CCDC171: variants seen among roughly 807,000 people sequenced by gnomAD.
The protein encoded by CCDC171 is coiled-coil domain containing 171.
Under a neutral mutation model 168.2 loss-of-function variants are expected in CCDC171, and 177 were observed. That is an observed-to-expected ratio of 1.05 (90% CI 0.93 to 1.19). The LOEUF (loss-of-function observed/expected upper bound fraction) is 1.19. Among genes scored for constraint, CCDC171 ranks in the 50% most tolerant of loss-of-function variants. CCDC171 has a pLI of 0.00. For synonymous variants in CCDC171, 687 were observed against 540.8 expected (o/e 1.27, Z -3.75); for missense variants, 1,991 against 1,539.0 (o/e 1.29, Z -4.91).
chr9:15,849,886 G>T (rs533980350), intron 23 of CCDC171, among the ~76,000 whole-genome samples: 17 of 151,376 alleles, frequency 1.1e-4, no homozygotes, highest in African/African-American at 3.6e-4. Context: ...AAAACAATGG[G>T]CCCCTGTATT....
intron 25 of CCDC171, among the ~76,000 whole-genome samples, chr9:15,937,853 C>A (rs367862321): frequency 4.6e-5 from 7 of 151,906 alleles, no homozygotes; most frequent in Non-Finnish European, 1.0e-4. Flanking sequence ...AACTCTGTCA[C>A]TGTGAATCAT....
chr9:15,846,615 G>A, intron 21 of CCDC171, 87 bp from the exon 22 acceptor site: 2 of 1,384,090 alleles, frequency 1.4e-6, no homozygotes, highest in Non-Finnish European at 2.0e-6. Flanking sequence ...CAGTCAGTCT[G>A]TATTCTTCTT....
chr9:15,600,468 A>T (rs1211374005), intron 6 of CCDC171, among the ~76,000 whole-genome samples: 1 of 152,162 alleles, frequency 6.6e-6, no homozygotes, highest in East Asian at 1.9e-4. Context: ...GTGAACAGCC[A>T]ATGTTGCTGC....
chr9:15,614,784 T>G (rs572751136), intron 6 of CCDC171, among the ~76,000 whole-genome samples: 19 of 152,328 alleles, frequency 1.2e-4, no homozygotes, highest in African/African-American at 4.3e-4. Flanking sequence ...AAACTTTGAG[T>G]GTCTGGGTGA....
chr9:15,675,187 G>GTTTTTTTTTTTTTTTTTTTTT (rs138989790), intron 9 of CCDC171, among the ~76,000 whole-genome samples: 9 of 75,530 alleles, frequency 1.2e-4, no homozygotes, highest in African/African-American at 1.7e-4. Flanking sequence ...TGCAACTCCT[G>GTTTTTTTTTTTTTTTTTTTTT]TTTTTTTTTT....
chr9:15,727,743 C>G, intron 14 of CCDC171, 126 bp from the exon 15 acceptor site: 1 of 620,876 alleles, frequency 1.6e-6, no homozygotes, highest in East Asian at 3.2e-5. Flanking sequence ...TTAAAATATT[C>G]TGAGACTTGA....
the CCDC171 span, among the ~76,000 whole-genome samples, chr9:16,071,504 C>T: frequency 6.7e-6 from 1 of 150,054 alleles, no homozygotes; most frequent in African/African-American, 2.5e-5. Flanking sequence ...GGCCCCACTC[C>T]CACAGTTGTG....
chr9:15,874,437 A>G (rs1159665458), intron 23 of CCDC171, 95 bp from the exon 24 acceptor site: 2 of 1,039,852 alleles, frequency 1.9e-6, no homozygotes, highest in East Asian at 2.8e-5. Context: ...CCAGCGATCA[A>G]TGCAAGTCCA....
At chr9:15,689,950 G>A (rs537737786) in intron 10 of CCDC171, among the ~76,000 whole-genome samples, 15 of 152,272 alleles carry the variant, frequency 9.9e-5, no homozygotes, top group African/African-American at 3.6e-4. Flanking sequence ...TTCAGTGGGG[G>A]AAAGAATAAT....
chr9:15,826,729 A>C (rs2060028996), intron 21 of CCDC171, among the ~76,000 whole-genome samples: 1 of 152,192 alleles, frequency 6.6e-6, no homozygotes, highest in South Asian at 2.1e-4. Context: ...AGATGACTTC[A>C]TATACCAGCC....
intron 11 of CCDC171, among the ~76,000 whole-genome samples, chr9:15,706,216 T>TCTTA: frequency 1.3e-5 from 2 of 149,430 alleles, no homozygotes; most frequent in East Asian, 4.0e-4. Flanking sequence ...ACCCATGTAG[T>TCTTA]CTTCCTTCCT....
chr9:15,613,657 G>A (rs2043873271), intron 6 of CCDC171, among the ~76,000 whole-genome samples: 2 of 151,640 alleles, frequency 1.3e-5, no homozygotes, highest in Non-Finnish European at 2.9e-5. Flanking sequence ...CAAGTAGCTG[G>A]GATTACAGGC....
intron 6 of CCDC171, among the ~76,000 whole-genome samples, chr9:15,602,294 G>A (rs971596137): frequency 6.9e-6 from 1 of 144,846 alleles, no homozygotes; most frequent in Non-Finnish European, 1.6e-5. Flanking sequence ...GCTGTTGATG[G>A]GTTTAGTTTT....
chr9:15,784,457 C>G, intron 20 of CCDC171, 52 bp from the exon 21 acceptor site: 3 of 1,212,022 alleles, frequency 2.5e-6, no homozygotes, highest in South Asian at 1.4e-5. Context: ...TGAAATGATA[C>G]AACAATGCAG....
chr9:16,051,186 G>A lies in CCDC171; in HGVS notation n.89+8300G>A, dbSNP rs775061658. Among the ~76,000 whole-genome samples, 321 of 152,060 alleles carry A rather than the reference G, an allele frequency of 2.1e-3. 2 individuals carry two copies. The highest frequency in any genetic ancestry group is 3.3e-3 in the Non-Finnish European group (222 of 68,004). On this transcript the variant is annotated intron_variant and non_coding_transcript_variant, in intron 1 of 1. Transcript: ENST00000478913. ...TTGTTTTCCATAATTATATTTTCAG[G>A]ATTTCAACATTCAGGATTGTGTCTT... is the stretch of plus-strand genomic sequence containing the variant.
intron 1 of CCDC171, among the ~76,000 whole-genome samples, chr9:16,051,558 C>T (rs963537427): frequency 2.0e-5 from 3 of 152,154 alleles, no homozygotes; most frequent in African/African-American, 4.8e-5. Flanking sequence ...TGAGGTACGA[C>T]CCATCCTTTG....
At chr9:15,952,607 G>C (rs1034856165) in intron 25 of CCDC171, among the ~76,000 whole-genome samples, 18 of 152,204 alleles carry the variant, frequency 1.2e-4, no homozygotes, top group East Asian at 7.8e-4. Context: ...ATGTTGGTCA[G>C]GCTGGTCTTG....
chr9:15,952,652 C>G (rs1160202850), intron 25 of CCDC171, among the ~76,000 whole-genome samples: 1 of 152,138 alleles, frequency 6.6e-6, no homozygotes, highest in Non-Finnish European at 1.5e-5. Context: ...CTGCCTTGGC[C>G]TCTCAAAGTG....
At chr9:15,997,909 C>G (rs1292908564) in intron 3 of CCDC171, among the ~76,000 whole-genome samples, 2 of 152,190 alleles carry the variant, frequency 1.3e-5, no homozygotes, top group African/African-American at 4.8e-5. Context: ...CTACCTCCCT[C>G]TGATGATCAG....
Sources: allele counts gnomAD v4.1 joint callset (sites outside exome capture counted in the v4.1 genomes callset), GRCh38; gene constraint gnomAD v4.1.1; transcripts MANE v1.5; gene names NCBI Gene and HGNC (gene_info 2026-07-23, HGNC 2026-07-21).